PTPDC1: variants seen among roughly 807,000 people sequenced by gnomAD.
PTPDC1 encodes the protein protein tyrosine phosphatase domain-containing protein 1.
Under a neutral mutation model 75.3 loss-of-function variants are expected in PTPDC1, and 53 were observed. That is an observed-to-expected ratio of 0.70 (90% CI 0.56 to 0.88). The LOEUF (loss-of-function observed/expected upper bound fraction) is 0.88. Ranked by LOEUF, PTPDC1 falls within the 40% of genes least tolerant of loss-of-function variation. PTPDC1 has a pLI of 0.00. For missense variants in PTPDC1, 925 were observed against 998.6 expected, an observed-to-expected ratio of 0.93 and a Z score of 0.99; for synonymous variants, 349 against 366.2, an observed-to-expected ratio of 0.95 and a Z score of 0.54.
intron 1 of PTPDC1, 55 bp downstream of exon 1, chr9:94,084,829 A>T: frequency 7.9e-7 from 1 of 1,261,130 alleles, no homozygotes; most frequent in Non-Finnish European, 1.1e-6. Flanking sequence ...GAGGAATGGG[A>T]ATCAGCTGTG....
chr9:94,081,949 C>T (rs1010905199), upstream of PTPDC1, among the ~76,000 whole-genome samples: 3 of 152,010 alleles, frequency 2.0e-5, no homozygotes, highest in Non-Finnish European at 4.4e-5. Context: ...GAACCAGAAC[C>T]GATGTTTATA....
chr9:94,050,809 A>G (rs1235242453), intron 1 of PTPDC1, among the ~76,000 whole-genome samples: 1 of 152,180 alleles, frequency 6.6e-6, no homozygotes, highest in Non-Finnish European at 1.5e-5. Flanking sequence ...CTGCCCCCAG[A>G]GGTGGAGTCT....
chr9:94,050,880 C>T (rs1036599172), intron 1 of PTPDC1, among the ~76,000 whole-genome samples: 29 of 152,320 alleles, frequency 1.9e-4, no homozygotes, highest in South Asian at 8.3e-4. Context: ...GCTTCTCGGC[C>T]GCTTTGTTTA....
At chr9:94,048,741 T>C (rs1825693412) in intron 1 of PTPDC1, among the ~76,000 whole-genome samples, 2 of 152,228 alleles carry the variant, frequency 1.3e-5, no homozygotes, top group South Asian at 4.1e-4. Flanking sequence ...CAGAGCTCAG[T>C]TCAATTCCTG....
chr9:94,076,874 C>T (rs1826712105), intron 2 of PTPDC1, among the ~76,000 whole-genome samples: 1 of 152,114 alleles, frequency 6.6e-6, no homozygotes, highest in Admixed American at 6.6e-5. Flanking sequence ...TGTAGCCATC[C>T]TAGTAGGTAT....
At chr9:94,048,055 C>G (rs2118439298) in intron 1 of PTPDC1, among the ~76,000 whole-genome samples, 1 of 152,252 alleles carries the variant, frequency 6.6e-6, no homozygotes, top group African/African-American at 2.4e-5. Flanking sequence ...GGAATCCTCC[C>G]TTTATCATTT....
At chr9:94,064,617 A>G (rs1359749987) in intron 1 of PTPDC1, 2 of 642,960 alleles carry the variant, frequency 3.1e-6, no homozygotes, top group East Asian at 2.8e-5. Context: ...TATTTCAAGT[A>G]TCTGCCACTT....
At chr9:94,080,951 T>C (rs1826856978), upstream of PTPDC1, among the ~76,000 whole-genome samples, 1 of 151,728 alleles carries the variant, frequency 6.6e-6, no homozygotes, top group African/African-American at 2.4e-5. Context: ...CAAGTTACTC[T>C]AAAAAATTCA....
At chr9:94,085,056 A>G (rs1827022271) in intron 1 of PTPDC1, among the ~76,000 whole-genome samples, 195 bp from the exon 2 acceptor site, 1 of 152,176 alleles carries the variant, frequency 6.6e-6, no homozygotes, top group Non-Finnish European at 1.5e-5. Context: ...GGAGATTATT[A>G]TATGTGAAAG....
In PTPDC1 at chr9:94,104,313, A is replaced by G. The variant is rs145522350; in HGVS notation, c.2238A>G (p.Ile746Met). The G allele has an allele frequency of 8.7e-6, 14 of 1,613,910 alleles. No homozygotes were observed. The highest frequency in any genetic ancestry group is 1.2e-5 in the Non-Finnish European group (14 of 1,179,800). ...HQTILCVLHC[I>M]VNLQTIPVDV... ...CTATTCTCTGCGTGTTGCACTGCAT[A>G]GTGAACCTGCAGACAATTCCCGTGG... The change falls in exon 8 of 9, where the codon ATA (isoleucine) becomes ATG (methionine). Residue 746 changes from isoleucine (I) to methionine (M), a missense_variant. Coordinates refer to ENST00000620992, the MANE Select transcript of PTPDC1 (RefSeq NM_001253829.2).
chr9:94,078,440 G>T (rs1444350576), intron 2 of PTPDC1, among the ~76,000 whole-genome samples: 1 of 152,132 alleles, frequency 6.6e-6, no homozygotes, highest in African/African-American at 2.4e-5. Flanking sequence ...TTACTGTGAT[G>T]TGTTTTAATG....
intron 5 of PTPDC1, among the ~76,000 whole-genome samples, chr9:94,095,898 A>T (rs1029602265): frequency 2.0e-5 from 3 of 152,212 alleles, no homozygotes; most frequent in Non-Finnish European, 4.4e-5. Flanking sequence ...TTTAGCAACA[A>T]TGTGAGTTGG....
At chr9:94,041,770 C>A (rs1351891676) in intron 1 of PTPDC1, among the ~76,000 whole-genome samples, 1 of 152,146 alleles carries the variant, frequency 6.6e-6, no homozygotes, top group African/African-American at 2.4e-5. Context: ...GCTCCAGGCT[C>A]ATCTTGTATA....
At chr9:94,035,837 C>T (rs992023500) in intron 1 of PTPDC1, among the ~76,000 whole-genome samples, 1 of 152,060 alleles carries the variant, frequency 6.6e-6, no homozygotes, top group Non-Finnish European at 1.5e-5. Context: ...TTGCCAACAC[C>T]TATCTTTTGA....
chr9:94,092,733 G>A (rs1353003440), intron 4 of PTPDC1, among the ~76,000 whole-genome samples: 4 of 145,904 alleles, frequency 2.7e-5, no homozygotes, highest in Non-Finnish European at 4.5e-5. Flanking sequence ...CTCTTTGTAG[G>A]TCACTCAGGA....
rs561968311 is a variant in PTPDC1, at chr9:94,047,453, C to A, written c.-7+16326C>A. Among the ~76,000 whole-genome samples the A allele has an allele frequency of 3.7e-4, 56 of 152,130 alleles. 1 individual carries two copies. Among genetic ancestry groups the A allele is most frequent in the Middle Eastern group, 6.8e-3 (2 of 294 alleles). Reference sequence around the variant, plus strand: ...GGAAATTTATAGCACTAAATGCCCACAAGAGAAAGCAGGAAAGATCTAAAA... The same window carrying A: ...GGAAATTTATAGCACTAAATGCCCAAAAGAGAAAGCAGGAAAGATCTAAAA... On this transcript the variant is annotated intron_variant, in intron 1 of 9. Coordinates refer to the PTPDC1 transcript ENST00000375360.
intron 2 of PTPDC1, among the ~76,000 whole-genome samples, chr9:94,071,700 A>T (rs1826516571): frequency 6.6e-6 from 1 of 152,160 alleles, no homozygotes; most frequent in Admixed American, 6.5e-5. Context: ...GGATAGAGTG[A>T]TTCTTCCCAC....
At chr9:94,102,169 G>A (rs1213455151) in intron 7 of PTPDC1, among the ~76,000 whole-genome samples, 1 of 152,090 alleles carries the variant, frequency 6.6e-6, no homozygotes, top group Non-Finnish European at 1.5e-5. Context: ...CCATAATTAA[G>A]CACTGTTTCA....
chr9:94,103,015 C>G (rs1478899135), intron 7 of PTPDC1, among the ~76,000 whole-genome samples: 1 of 92,122 alleles, frequency 1.1e-5, no homozygotes, highest in Admixed American at 1.3e-4. Context: ...CACACACACA[C>G]ACACACGGAC....
Sources: allele counts gnomAD v4.1 joint callset (sites outside exome capture counted in the v4.1 genomes callset), GRCh38; gene constraint gnomAD v4.1.1; transcripts MANE v1.5; gene names NCBI Gene and HGNC (gene_info 2026-07-23, HGNC 2026-07-21).